Variants in ZNF236 observed in about 807,000 individuals in gnomAD.
ZNF236 encodes the protein zinc finger protein 236.
A neutral mutation model predicts 191.2 loss-of-function variants in ZNF236; 50 were observed. The observed-to-expected ratio is 0.26, with a 90% CI of 0.21 to 0.33. The LOEUF (loss-of-function observed/expected upper bound fraction) is 0.33. ZNF236 is among the 10% of genes least tolerant of loss of function. The pLI is 1.00. For synonymous variants in ZNF236, 907 were observed against 928.8 expected, an observed-to-expected ratio of 0.98 and a Z score of 0.43; for missense variants, 1,754 against 2,374.5, an observed-to-expected ratio of 0.74 and a Z score of 5.43.
At chr18:76,890,457 TTG>T (rs1977196559) in intron 9 of ZNF236, among the ~76,000 whole-genome samples, 1 of 152,224 alleles carries the variant, frequency 6.6e-6, no homozygotes, top group African/African-American at 2.4e-5. Context: ...GAAAAGGATT[TTG>T]TCAACAGTTA....
chr18:76,868,624 G>T, intron 3 of ZNF236, 61 bp from the exon 4 acceptor site: 1 of 1,426,226 alleles, frequency 7.0e-7, no homozygotes, highest in Non-Finnish European at 9.5e-7. Context: ...GATCATACCA[G>T]TTCTTTGAAG....
intron 15 of ZNF236, 116 bp from the exon 16 acceptor site, chr18:76,910,544 T>G: frequency 9.5e-7 from 1 of 1,055,884 alleles, no homozygotes; most frequent in Non-Finnish European, 1.3e-6. Flanking sequence ...GTCCTAATTC[T>G]AATTCAGAAA....
At chr18:76,869,024 A>G (rs1448813568) in intron 4 of ZNF236, among the ~76,000 whole-genome samples, 161 bp downstream of exon 4, 2 of 152,218 alleles carry the variant, frequency 1.3e-5, no homozygotes, top group African/African-American at 2.4e-5. Flanking sequence ...TGCATGGTGC[A>G]TCCCTACACA....
chr18:76,850,954 G>T (rs1187304856), intron 2 of ZNF236, among the ~76,000 whole-genome samples: 1 of 150,202 alleles, frequency 6.7e-6, no homozygotes, highest in Non-Finnish European at 1.5e-5. Context: ...AAATAGAAGG[G>T]AAAAATCCAA....
At chr18:76,904,543 T>C in intron 12 of ZNF236, 22 bp downstream of exon 12, 1 of 1,557,990 alleles carries the variant, frequency 6.4e-7, no homozygotes, top group Non-Finnish European at 8.7e-7. Context: ...GATTCACAGA[T>C]GGAAATTTAG....
intron 1 of ZNF236, among the ~76,000 whole-genome samples, chr18:76,827,698 A>T (rs1200361458): frequency 6.6e-6 from 1 of 152,232 alleles, no homozygotes; most frequent in Non-Finnish European, 1.5e-5. Context: ...CCACTGAAAG[A>T]ATATTTGTTG....
intron 6 of ZNF236, among the ~76,000 whole-genome samples, chr18:76,876,354 GATTTTGCAGAATGAAAACTATCAT>G (rs1357506767): frequency 6.6e-6 from 1 of 152,234 alleles, no homozygotes; most frequent in Non-Finnish European, 1.5e-5. Flanking sequence ...CCTATGGAAT[GATTTTGCAGAATGAAAACTATCAT>G]ATTCTTGGGA....
chr18:76,938,322 C>T (rs915964549), intron 26 of ZNF236, among the ~76,000 whole-genome samples: 3 of 152,050 alleles, frequency 2.0e-5, no homozygotes, highest in Admixed American at 1.3e-4. Flanking sequence ...CCTGGGAAGT[C>T]GATGCTGCAG....
At chr18:76,849,447 A>T in intron 1 of ZNF236, 79 bp from the exon 2 acceptor site, 1 of 1,261,908 alleles carries the variant, frequency 7.9e-7, no homozygotes, top group South Asian at 1.9e-5. Context: ...GTTTTTAAAC[A>T]ATAACCAATA....
chr18:76,886,285 C>G (rs148352013), intron 9 of ZNF236: 1 of 152,284 alleles, frequency 6.6e-6, no homozygotes, highest in African/African-American at 2.4e-5. Flanking sequence ...AACTGCCAAG[C>G]AGTTCCGCTG....
intron 14 of ZNF236, among the ~76,000 whole-genome samples, chr18:76,909,629 C>T (rs1639218786): frequency 6.6e-6 from 1 of 152,170 alleles, no homozygotes; most frequent in Non-Finnish European, 1.5e-5. Context: ...ACATAGCTGG[C>T]TGCGTCTGGC....
chr18:76,934,131 T>C (rs17060102), intron 25 of ZNF236, among the ~76,000 whole-genome samples: 3,735 of 152,304 alleles, frequency 0.025, 164 homozygotes, highest in African/African-American at 0.084. Flanking sequence ...CATCAGCTTC[T>C]AGGTTAACTC....
At position 76,943,241 on chromosome 18, in the gene ZNF236, G is replaced by A. The variant is rs570855994; in HGVS notation, c.4783-4280G>A. On this transcript the variant is annotated intron_variant, in intron 26 of 30. Coordinates refer to ENST00000320610, the MANE Select transcript of ZNF236 (RefSeq NM_001306089.2). ...TAAAACTTGAAAAGGGCCCAATTTT[G>A]GAAGAATATTGTGGGAGTAAGTGAT... Among the ~76,000 whole-genome samples, 7 of 152,026 alleles carry A rather than the reference G, an allele frequency of 4.6e-5. 1 individual carries two copies. In the South Asian group the frequency reaches 1.5e-3, roughly 32 times the overall value.
chr18:76,935,065 T>A (rs1197759963), intron 25 of ZNF236, among the ~76,000 whole-genome samples: 1 of 152,248 alleles, frequency 6.6e-6, no homozygotes, highest in Non-Finnish European at 1.5e-5. Context: ...GTCTACAATC[T>A]TCACTTCAGC....
rs544782213 is a variant in ZNF236, at chr18:76,879,805, C to G, written c.985-308C>G. ...TGTGTAACTTGATATTTTAAAAATTCCTTCACTTCAATTTTATGGGCTAAC... is the reference window on the plus strand; with the variant it reads ...TGTGTAACTTGATATTTTAAAAATTGCTTCACTTCAATTTTATGGGCTAAC... On this transcript the variant is annotated intron_variant, in intron 7 of 30. Transcript: ENST00000320610. Among the ~76,000 whole-genome samples the G allele has an allele frequency of 1.1e-4, 16 of 152,160 alleles. No homozygotes were observed. The South Asian group carries it at 3.3e-3, about 32-fold the overall frequency.
chr18:76,873,761 C>T (rs1976640555), intron 5 of ZNF236, among the ~76,000 whole-genome samples: 1 of 152,206 alleles, frequency 6.6e-6, no homozygotes, highest in African/African-American at 2.4e-5. Flanking sequence ...AGTGTCGTGA[C>T]TGGGCCACAC....
chr18:76,829,083 G>A (rs1279389045), intron 1 of ZNF236, among the ~76,000 whole-genome samples: 1 of 152,208 alleles, frequency 6.6e-6, no homozygotes, highest in Non-Finnish European at 1.5e-5. Flanking sequence ...CTTGGGAAAA[G>A]CTATAGTGTA....
intron 30 of ZNF236, among the ~76,000 whole-genome samples, chr18:76,963,062 T>A (rs1302795710): frequency 6.6e-6 from 1 of 152,228 alleles, no homozygotes; most frequent in Non-Finnish European, 1.5e-5. Flanking sequence ...TTGGATGCTC[T>A]TGATTTTCTT....
chr18:76,880,256 G>A lies in ZNF236; in HGVS notation c.1128G>A (p.Gln376=). ...AGCCGGCGCCGGTGGAGTCGGGGCA[G>A]TCCCCGCAGCCTGGGCAGCAGCTGA... is the stretch of plus-strand genomic sequence containing the variant. ...LSEPAPVESG[Q]SPQPGQQLSI... is the part of the protein sequence containing the mutation. The change falls in exon 8 of 31, where the codon CAG becomes CAA. Residue 376 remains glutamine (Q), a synonymous_variant. Coordinates refer to ENST00000320610, the MANE Select transcript of ZNF236 (RefSeq NM_001306089.2). This position sits in a 1 kb window ranked among gnomAD's most constrained non-coding sequence, Gnocchi z 5.0. The A allele has an allele frequency of 6.2e-7, 1 of 1,614,066 alleles. No homozygotes were observed. Among genetic ancestry groups the A allele is most frequent in the Non-Finnish European group, 8.5e-7 (1 of 1,179,988 alleles).
Sources: allele counts gnomAD v4.1 joint callset (sites outside exome capture counted in the v4.1 genomes callset), GRCh38; gene constraint gnomAD v4.1.1; non-coding constraint Gnocchi (gnomAD v3.1); transcripts MANE v1.5; gene names NCBI Gene and HGNC (gene_info 2026-07-23, HGNC 2026-07-21).